NCK2: variants seen among roughly 807,000 people sequenced by gnomAD.
NCK2 encodes NCK adaptor protein 2.
In NCK2, 16 loss-of-function variants were observed where a neutral mutation model predicts 33.9. That is an observed-to-expected ratio of 0.47 (90% CI 0.32 to 0.72). The LOEUF is 0.72. NCK2 is among the 30% of genes least tolerant of loss of function. NCK2 has a pLI of 0.03. For synonymous variants in NCK2, 273 were observed against 239.9 expected, an observed-to-expected ratio of 1.14 and a Z score of -1.27; for missense variants, 418 against 537.3, an observed-to-expected ratio of 0.78 and a Z score of 2.19.
chr2:105,817,721 A>G (rs1675551162), intron 2 of NCK2, among the ~76,000 whole-genome samples: 1 of 152,178 alleles, frequency 6.6e-6, no homozygotes. Context: ...AATCAAAACC[A>G]CAATGAGATA....
intron 3 of NCK2, among the ~76,000 whole-genome samples, chr2:105,865,583 T>C (rs1344140406): frequency 6.6e-6 from 1 of 152,200 alleles, no homozygotes; most frequent in Non-Finnish European, 1.5e-5. Flanking sequence ...TCCCCAGTTC[T>C]GCCTGGACCC....
intron 1 of NCK2, among the ~76,000 whole-genome samples, chr2:105,770,406 T>C (rs942537889): frequency 1.3e-5 from 2 of 152,184 alleles, no homozygotes; most frequent in Non-Finnish European, 2.9e-5. Context: ...TTTTGAGAGG[T>C]AGATTTATGT....
At chr2:105,744,648 C>T (rs1455101155), upstream of NCK2, among the ~76,000 whole-genome samples, 2 of 151,938 alleles carry the variant, frequency 1.3e-5, no homozygotes, top group African/African-American at 2.4e-5. Context: ...GCCTCCAGAG[C>T]GGAGCGTCCC....
intron 1 of NCK2, among the ~76,000 whole-genome samples, chr2:105,747,017 A>G (rs1406472060): frequency 1.3e-5 from 2 of 152,184 alleles, no homozygotes; most frequent in East Asian, 3.9e-4. Flanking sequence ...GCCATCAGGA[A>G]GAGTTGGCTG....
chr2:105,746,054 CTT>C (rs1689276501), intron 1 of NCK2, among the ~76,000 whole-genome samples: 1 of 152,186 alleles, frequency 6.6e-6, no homozygotes. Flanking sequence ...AGGCACCTGA[CTT>C]AAACTAGTAT....
intron 1 of NCK2, among the ~76,000 whole-genome samples, chr2:105,750,047 C>A (rs1313553039): frequency 6.6e-6 from 1 of 151,470 alleles, no homozygotes; most frequent in African/African-American, 2.4e-5. Context: ...AACACACACA[C>A]ACACACACAC....
At chr2:105,823,787 A>G (rs975231105) in intron 2 of NCK2, among the ~76,000 whole-genome samples, 2 of 152,058 alleles carry the variant, frequency 1.3e-5, no homozygotes, top group African/African-American at 2.4e-5. Flanking sequence ...CACCTGACCA[A>G]CAGTCACACT....
intron 1 of NCK2, among the ~76,000 whole-genome samples, chr2:105,791,252 T>C (rs714355): frequency 0.22 from 33,625 of 152,162 alleles, 4,845 homozygotes; most frequent in African/African-American, 0.4. Context: ...TTGATTCATC[T>C]AGAGAAACCT....
chr2:105,768,631 C>G (rs1201580073), intron 1 of NCK2, among the ~76,000 whole-genome samples: 3 of 152,186 alleles, frequency 2.0e-5, no homozygotes, highest in Non-Finnish European at 4.4e-5. Flanking sequence ...GAATACGGCC[C>G]AACACAAATA....
chr2:105,762,579 A>G lies in NCK2; in HGVS notation c.-201+17441A>G, dbSNP rs142917041. 3.4e-3 allele frequency among the ~76,000 whole-genome samples: 513 copies of G among 152,282 alleles called. 2 individuals carry two copies. The highest frequency in any genetic ancestry group is 0.012 in the African/African-American group (497 of 41,556). ...GGATATCTGTGAACTTTGGGGTGGG[A>G]AAAAACATCCTTATTTCCACCAGCT... On this transcript the variant is annotated intron_variant, in intron 1 of 4. Transcript: ENST00000233154.
At chr2:105,831,786 A>T (rs781578124) in intron 2 of NCK2, among the ~76,000 whole-genome samples, 3 of 152,004 alleles carry the variant, frequency 2.0e-5, no homozygotes, top group Admixed American at 6.6e-5. Context: ...TGCTGTTTTG[A>T]TTACTATAGC....
intron 2 of NCK2, among the ~76,000 whole-genome samples, chr2:105,850,503 C>A (rs553127233): frequency 3.3e-5 from 5 of 152,260 alleles, no homozygotes; most frequent in African/African-American, 1.2e-4. Context: ...TCTTGCTAAG[C>A]TGTGTTTTAG....
At chr2:105,821,719 C>T (rs1348739458) in intron 2 of NCK2, among the ~76,000 whole-genome samples, 2 of 151,940 alleles carry the variant, frequency 1.3e-5, no homozygotes, top group South Asian at 2.1e-4. Context: ...TCTCTAGTCG[C>T]AAATGCAGAT....
intron 3 of NCK2, among the ~76,000 whole-genome samples, chr2:105,860,671 C>T (rs1349981137): frequency 1.3e-5 from 2 of 151,928 alleles, no homozygotes; most frequent in East Asian, 3.9e-4. Flanking sequence ...CTCTGCAGAG[C>T]TGGGGAGGAA....
chr2:105,879,769 G>A (rs1366856695), intron 3 of NCK2, among the ~76,000 whole-genome samples: 1 of 152,200 alleles, frequency 6.6e-6, no homozygotes, highest in African/African-American at 2.4e-5. Flanking sequence ...TTCACCTCCT[G>A]CCCACTCAGC....
chr2:105,853,832 G>A (rs1677157083), intron 2 of NCK2: 1 of 152,234 alleles, frequency 6.6e-6, no homozygotes. Flanking sequence ...CAGGGGTGGA[G>A]CGTGGGGATT....
At chr2:105,835,411 A>ATG (rs1259839251) in intron 2 of NCK2, among the ~76,000 whole-genome samples, 56 of 121,824 alleles carry the variant, frequency 4.6e-4, no homozygotes, top group East Asian at 1.0e-3. Context: ...ATATACGTGT[A>ATG]TATATATATA....
At chr2:105,745,925 C>T (rs1018683498) in intron 1 of NCK2, 13 of 152,100 alleles carry the variant, frequency 8.5e-5, no homozygotes, top group African/African-American at 3.1e-4. Flanking sequence ...GCCTTATGAG[C>T]ACAGTTAGCT....
intron 2 of NCK2, among the ~76,000 whole-genome samples, chr2:105,827,008 A>AT (rs980435294): frequency 1.9e-3 from 291 of 150,642 alleles, no homozygotes; most frequent in African/African-American, 5.4e-3. Flanking sequence ...TTTATTTTTT[A>AT]TTTTTTTTTG....
Sources: gnomAD v4.1 joint callset for allele counts (sites outside exome capture counted in the v4.1 genomes callset) on GRCh38, gnomAD v4.1.1 for gene constraint, MANE v1.5 for transcripts, NCBI Gene and HGNC (gene_info 2026-07-23, HGNC 2026-07-21) for gene names.